Variants in CCER1 observed in about 807,000 individuals in gnomAD.
CCER1 encodes the protein coiled-coil glutamate rich protein 1, also known as coiled-coil domain-containing glutamate-rich protein 1.
For missense variants in CCER1, 573 were observed against 524.5 expected (o/e 1.09, Z -0.90); for synonymous variants, 246 against 213.8 (o/e 1.15, Z -1.31).
At position 90,953,835 on chromosome 12, in the gene CCER1, T is replaced by A. The variant is rs373822464; in HGVS notation, c.908A>T (p.Glu303Val). ...CTCCTCATCTTCGACCTCTTCTTCC[T>A]CCTCGCTCGCCTCCTTTGCATCACA... Reference protein sequence around the residue: ...EVCDAKEASEEEEEVEDEEEE... With the variant: ...EVCDAKEASEVEEEVEDEEEE... Residue 303 changes from glutamate to valine, a missense_variant, in exon 1 of 1, where the codon GAG (glutamate) becomes GTG (valine). Physicochemically the swap from Glu to Val is moderately radical, Grantham distance 121. Coordinates refer to ENST00000358859, the MANE Select transcript of CCER1 (RefSeq NM_152638.4). The A allele has an allele frequency of 3.1e-6, 5 of 1,589,020 alleles. No homozygotes were observed. Among genetic ancestry groups the A allele is most frequent in the Non-Finnish European group, 4.3e-6 (5 of 1,157,434 alleles).
At position 90,953,844 on chromosome 12, in the gene CCER1, G is replaced by T. The variant is rs377720285; in HGVS notation, c.899C>A (p.Ala300Glu). The T allele has an allele frequency of 1.3e-6, 2 of 1,592,064 alleles. No individual in the cohort carries two copies. The highest frequency in any genetic ancestry group is 1.1e-5 in the South Asian group (1 of 90,622). Residue 300 changes from alanine to glutamate, a missense_variant, in exon 1 of 1, where the codon GCG becomes GAG. Coordinates refer to ENST00000358859, the MANE Select transcript of CCER1 (RefSeq NM_152638.4). ...YDQEVCDAKE[A>E]SEEEEEVEDE... ...TTCGACCTCTTCTTCCTCCTCGCTCGCCTCCTTTGCATCACACACCTCCTG... is the reference window on the plus strand; with the variant it reads ...TTCGACCTCTTCTTCCTCCTCGCTCTCCTCCTTTGCATCACACACCTCCTG...
chr12:90,953,708 C>T lies in CCER1; in HGVS notation c.1035G>A (p.Glu345=). The part of the protein sequence containing the change: ...LEEEELEEEE[E]VLEENEQRGE... ...CTCTCTGCTCGTTCTCCTCCAGGAC[C>T]TCCTCTTCCTCTTCCAGCTCCTCCT... is the stretch of plus-strand genomic sequence containing the variant. The change falls in exon 1 of 1, where the codon GAG becomes GAA. Residue 345 remains glutamate (E), a synonymous_variant. Coordinates refer to ENST00000358859, the MANE Select transcript of CCER1 (RefSeq NM_152638.4). 6.2e-7 allele frequency: 1 copy of T among 1,611,118 alleles called. No homozygotes were observed. Among genetic ancestry groups the T allele is most frequent in the Non-Finnish European group, 8.5e-7 (1 of 1,177,278 alleles).
chr12:90,953,651 AG>A lies in CCER1; in HGVS notation c.1091del (p.Pro364LeufsTer6), dbSNP rs755752784. 6.0e-5 allele frequency: 97 copies of A among 1,614,062 alleles called. 2 individuals are homozygous for A. In the South Asian group the frequency reaches 1.1e-3, roughly 18 times the overall value. Reference sequence around the variant, plus strand: ...CTTCAGCCTCTACGAAGATTGATAAAGGCATTTCCAGAGGCAAGTGAAATTC... The same window carrying A: ...CTTCAGCCTCTACGAAGATTGATAAAGCATTTCCAGAGGCAAGTGAAATTC... Reference protein sequence around the residue: ...GEEFHLPLEMPLSIFVEAEEK... With the variant: ...GEEFHLPLEMXLSIFVEAEEK... On this transcript the variant is annotated frameshift_variant, in exon 1 of 1. Transcript: ENST00000358859. LOFTEE classifies it low-confidence loss of function (END_TRUNC).
rs1204727388 is a variant in CCER1, at chr12:90,953,106, G to A, written c.*416C>T. 1 of 163,262 alleles carries A rather than the reference G, an allele frequency of 6.1e-6. No individual in the cohort carries two copies. Among genetic ancestry groups the A allele is most frequent in the Non-Finnish European group, 1.3e-5 (1 of 76,002 alleles). 10.1% of individuals were successfully genotyped at this position (163,262 alleles called of 1,614,324 possible). A position where few individuals can be genotyped will look rare whatever the true frequency, so the allele number is the denominator to read the frequency against. On this transcript the variant is annotated 3_prime_UTR_variant, in exon 1 of 1. Coordinates refer to ENST00000358859, the MANE Select transcript of CCER1 (RefSeq NM_152638.4). Reference sequence around the variant, plus strand: ...CACTGGTGAACATTTAGTAGCGTTAGAATGTGCTTCTTACGCATGTAATAA... The same window carrying A: ...CACTGGTGAACATTTAGTAGCGTTAAAATGTGCTTCTTACGCATGTAATAA...
chr12:90,953,405 T>C lies in CCER1; in HGVS notation c.*117A>G. The stretch of plus-strand genomic sequence containing the variant: ...AACATTTTATAATGGCCAAAGAAGG[T>C]GTTTACATAGATCTGTTTATTAATG... On this transcript the variant is annotated 3_prime_UTR_variant, in exon 1 of 1. Coordinates refer to ENST00000358859, the MANE Select transcript of CCER1 (RefSeq NM_152638.4). The C allele has an allele frequency of 2.5e-6, 3 of 1,205,548 alleles. No individual in the cohort carries two copies. The highest frequency in any genetic ancestry group is 3.4e-6 in the Non-Finnish European group (3 of 884,296). The allele number at this position is 1,205,548 out of a possible 1,614,324, so 74.7% of individuals were successfully genotyped here.
rs1876579110 is a variant in CCER1 at position 90,954,347 on chromosome 12, G to A, written c.396C>T (p.Gly132=). Residue 132 remains glycine (G), a synonymous_variant, in exon 1 of 1, where the codon GGC becomes GGT. Transcript: ENST00000358859. ...TCTTCCTGCCTGGGGGCTTCACCCA[G>A]CCAGGGTTCCAGGACCCGCTCCAGC... ...CSCWSGSWNP[G]WVKPPGRKKR... is the part of the protein sequence containing the mutation. 4 of 1,608,670 alleles carry A rather than the reference G, an allele frequency of 2.5e-6. No homozygotes were observed. The highest frequency in any genetic ancestry group is 1.7e-6 in the Non-Finnish European group (2 of 1,179,692).
chr12:90,954,502 C>T lies in CCER1; in HGVS notation c.241G>A (p.Val81Met), dbSNP rs768934116. ...HGPGFWFQPP[V>M]CSNWGCWGGP... ...CCCCAGCACCCCCAGTTAGAGCACA[C>T]GGGTGGTTGGAACCAAAAGCCCGGG... The change falls in exon 1 of 1, where the codon GTG (valine) becomes ATG (methionine). Residue 81 changes from valine to methionine, a missense_variant. By Grantham distance (21) the Val-to-Met change is conservative. Transcript: ENST00000358859. 1 of 1,611,082 alleles carries T rather than the reference C, an allele frequency of 6.2e-7. No individual in the cohort carries two copies. The highest frequency in any genetic ancestry group is 8.5e-7 in the Non-Finnish European group (1 of 1,177,774).
At position 90,954,515 on chromosome 12, in the gene CCER1, C is replaced by T. The variant is rs200693488; in HGVS notation, c.228G>A (p.Trp76Ter). The T allele has an allele frequency of 3.7e-6, 6 of 1,611,432 alleles. No homozygotes were observed. The South Asian group carries it at 6.6e-5, about 18-fold the overall frequency. The part of the protein sequence containing the change: ...QPKQQHGPGF[W>*]FQPPVCSNWG... ...AGTTAGAGCACACGGGTGGTTGGAA[C>T]CAAAAGCCCGGGCCGTGCTGTTGCT... Residue 76 changes from tryptophan (W) to a stop codon, truncating the protein, a stop_gained, in exon 1 of 1, where the codon TGG becomes TGA. Transcript: ENST00000358859. LOFTEE classifies it low-confidence loss of function (END_TRUNC).
At position 90,952,286 on chromosome 12, in the gene CCER1, C is replaced by A. The variant is rs902242672; in HGVS notation, c.*1236G>T. 1.3e-5 allele frequency: 2 copies of A among 152,504 alleles called. No homozygotes were observed. The highest frequency in any genetic ancestry group is 1.9e-4 in the East Asian group (1 of 5,188). 9.4% of individuals were successfully genotyped at this position (152,504 alleles called of 1,614,324 possible). ...AAAATTGTAATATATCAGTAACAAC[C>A]AACATTCAGGTAAGACATCACCACA... On this transcript the variant is annotated 3_prime_UTR_variant, in exon 1 of 1. Transcript: ENST00000358859.
Position 90,953,849 on chromosome 12 carries a change from C to T in CCER1, c.894G>A (p.Lys298=). Residue 298 remains lysine (K), a synonymous_variant, in exon 1 of 1, where the codon AAG becomes AAA. Coordinates refer to ENST00000358859, the MANE Select transcript of CCER1 (RefSeq NM_152638.4). ...EEYDQEVCDA[K]EASEEEEEVE... is the part of the protein sequence containing the mutation. ...CCTCTTCTTCCTCCTCGCTCGCCTC[C>T]TTTGCATCACACACCTCCTGGTCAT... The T allele has an allele frequency of 6.2e-7, 1 of 1,603,550 alleles. No homozygotes were observed. The highest frequency in any genetic ancestry group is 1.1e-5 in the South Asian group (1 of 90,860).
At position 90,953,507 on chromosome 12, in the gene CCER1, T is replaced by G. The variant is rs1876534253; in HGVS notation, c.*15A>C. The stretch of plus-strand genomic sequence containing the variant: ...AAATCAGTTCCATCCCTTTTCTCAA[T>G]CCCTTTTCTGATGTCTAACAGTTAA... On this transcript the variant is annotated 3_prime_UTR_variant, in exon 1 of 1. Transcript: ENST00000358859. 1.3e-6 allele frequency: 2 copies of G among 1,592,308 alleles called. No individual in the cohort carries two copies. Among genetic ancestry groups the G allele is most frequent in the Non-Finnish European group, 1.7e-6 (2 of 1,171,084 alleles).
At position 90,954,067 on chromosome 12, in the gene CCER1, A is replaced by C. The variant is rs745691292; in HGVS notation, c.676T>G (p.Ser226Ala). Residue 226 changes from serine to alanine, a missense_variant, in exon 1 of 1, where the codon TCC becomes GCC. Physicochemically the swap from Ser to Ala is moderately conservative, Grantham distance 99. Transcript: ENST00000358859. ...TCGTTTCCGGAGGATCTGGCTGGGGAGGCCTCGCCGCTCACCGTGGCCTTC... is the reference window on the plus strand; with the variant it reads ...TCGTTTCCGGAGGATCTGGCTGGGGCGGCCTCGCCGCTCACCGTGGCCTTC... ...AQKATVSGEA[S>A]PARSSGNDAP... The C allele has an allele frequency of 1.2e-6, 2 of 1,613,848 alleles. No individual in the cohort carries two copies. The highest frequency in any genetic ancestry group is 3.3e-5 in the Admixed American group (2 of 60,026).
rs1262470265 is a variant in CCER1 at position 90,953,594 on chromosome 12, A to G, written c.1149T>C (p.Phe383=). ...EKRENFISCT[F]LNPEQIIPKV... Reference sequence around the variant, plus strand: ...TGGGAATTATCTGCTCTGGGTTTAAAAAAGTGCAGCTTATAAAGTTCTCTC... The same window carrying G: ...TGGGAATTATCTGCTCTGGGTTTAAGAAAGTGCAGCTTATAAAGTTCTCTC... Residue 383 remains phenylalanine (F), a synonymous_variant, in exon 1 of 1, where the codon TTT becomes TTC. Coordinates refer to ENST00000358859, the MANE Select transcript of CCER1 (RefSeq NM_152638.4). 6.2e-7 allele frequency: 1 copy of G among 1,614,168 alleles called. No individual in the cohort carries two copies. The highest frequency in any genetic ancestry group is 8.5e-7 in the Non-Finnish European group (1 of 1,180,018).
At position 90,954,879 on chromosome 12, in the gene CCER1, A is replaced by C; in HGVS notation, c.-137T>G. On this transcript the variant is annotated 5_prime_UTR_variant, in exon 1 of 1. Transcript: ENST00000358859. Reference sequence around the variant, plus strand: ...GCGCCACGTGTCTACCCCTGGGATCACGTTTTCCTCTCCAGGAGGCTGCTC... The same window carrying C: ...GCGCCACGTGTCTACCCCTGGGATCCCGTTTTCCTCTCCAGGAGGCTGCTC... 1 of 1,438,894 alleles carries C rather than the reference A, an allele frequency of 6.9e-7. No individual in the cohort carries two copies. Among genetic ancestry groups the C allele is most frequent in the Non-Finnish European group, 9.2e-7 (1 of 1,089,346 alleles). 89.1% of individuals were successfully genotyped at this position (1,438,894 alleles called of 1,614,324 possible). A position where few individuals can be genotyped will look rare whatever the true frequency, so the allele number is the denominator to read the frequency against.
chr12:90,954,034 G>C lies in CCER1; in HGVS notation c.709C>G (p.Pro237Ala). Residue 237 changes from proline (P) to alanine (A), a missense_variant, in exon 1 of 1, where the codon CCT becomes GCT. By Grantham distance (27) the Pro-to-Ala change is conservative. Transcript: ENST00000358859. ...CCCCAGGTTTCCTTGCTGCCGCCAG[G>C]GGGCGCGTCGTTTCCGGAGGATCTG... The part of the protein sequence containing the change: ...PARSSGNDAP[P>A]GGSKETWGLQ... The C allele has an allele frequency of 6.2e-7, 1 of 1,614,162 alleles. No individual in the cohort carries two copies. The highest frequency in any genetic ancestry group is 8.5e-7 in the Non-Finnish European group (1 of 1,180,044).
Position 90,953,483 on chromosome 12 carries a change from A to C in CCER1, c.*39T>G, listed in dbSNP as rs1199202656. ...AAATTGCTAATCCAGTTTAGCCTCA[A>C]ATCAGTTCCATCCCTTTTCTCAATC... On this transcript the variant is annotated 3_prime_UTR_variant, in exon 1 of 1. Coordinates refer to ENST00000358859, the MANE Select transcript of CCER1 (RefSeq NM_152638.4). 6.4e-7 allele frequency: 1 copy of C among 1,557,092 alleles called. No individual in the cohort carries two copies. Among genetic ancestry groups the C allele is most frequent in the South Asian group, 1.3e-5 (1 of 79,806 alleles).
In CCER1 at chr12:90,954,503, G is replaced by T; in HGVS notation, c.240C>A (p.Pro80=). ...QHGPGFWFQP[P]VCSNWGCWGG... is the part of the protein sequence containing the mutation. Reference sequence around the variant, plus strand: ...CCCAGCACCCCCAGTTAGAGCACACGGGTGGTTGGAACCAAAAGCCCGGGC... The same window carrying T: ...CCCAGCACCCCCAGTTAGAGCACACTGGTGGTTGGAACCAAAAGCCCGGGC... The change falls in exon 1 of 1, where the codon CCC becomes CCA. Residue 80 remains proline, a synonymous_variant. Transcript: ENST00000358859. The T allele has an allele frequency of 6.2e-7, 1 of 1,611,294 alleles. No individual in the cohort carries two copies. Among genetic ancestry groups the T allele is most frequent in the Non-Finnish European group, 8.5e-7 (1 of 1,177,874 alleles).
rs1270616072 is a variant in CCER1 at position 90,954,730 on chromosome 12, G to C, written c.13C>G (p.Leu5Val). The C allele has an allele frequency of 1.3e-6, 2 of 1,551,058 alleles. No individual in the cohort carries two copies. Among genetic ancestry groups the C allele is most frequent in the Non-Finnish European group, 1.7e-6 (2 of 1,147,994 alleles). The change falls in exon 1 of 1, where the codon CTC becomes GTC. Residue 5 changes from leucine (L) to valine (V), a missense_variant. Physicochemically the swap from Leu to Val is conservative, Grantham distance 32. Transcript: ENST00000358859. ...TTCAGAGGGTCTTCCCTTGTGTCGAGGGTCTGAGTCATGGTTCAGGGAGCT... is the reference window on the plus strand; with the variant it reads ...TTCAGAGGGTCTTCCCTTGTGTCGACGGTCTGAGTCATGGTTCAGGGAGCT... The part of the protein sequence containing the change: MTQT[L>V]DTREDPLNLG...
Position 90,954,372 on chromosome 12 carries a change from C to CA in CCER1, c.370dup (p.Cys124LeufsTer54). On this transcript the variant is annotated frameshift_variant, in exon 1 of 1. Transcript: ENST00000358859. LOFTEE classifies it low-confidence loss of function (END_TRUNC). ...GCCAGGGTTCCAGGACCCGCTCCAG[C>CA]AGGAGCAGCAGCAAAAGCAGAGAGG... The CA allele has an allele frequency of 6.2e-7, 1 of 1,611,020 alleles. No individual in the cohort carries two copies. The highest frequency in any genetic ancestry group is 8.5e-7 in the Non-Finnish European group (1 of 1,179,906).
Sources: allele counts gnomAD v4.1 joint callset, GRCh38; gene constraint gnomAD v4.1.1; transcripts MANE v1.5; gene names NCBI Gene and HGNC (gene_info 2026-07-23, HGNC 2026-07-21).